The following PARVA variants were observed in gnomAD, a reference collection of about 807,000 sequenced individuals.
PARVA encodes the protein alpha-parvin.
A neutral mutation model predicts 52.6 loss-of-function variants in PARVA; 25 were observed. The observed-to-expected ratio is 0.48, with a 90% CI of 0.35 to 0.66. PARVA has a LOEUF of 0.66. Among genes scored for constraint, PARVA ranks in the 30% least tolerant of loss-of-function variants. The pLI is 0.01. For synonymous variants in PARVA, 185 were observed against 179.1 expected, an observed-to-expected ratio of 1.03 and a Z score of -0.26; for missense variants, 373 against 450.9, an observed-to-expected ratio of 0.83 and a Z score of 1.56.
chr11:12,478,030 T>C lies in PARVA; in HGVS notation c.400+81T>C, dbSNP rs766800140. On this transcript the variant is annotated intron_variant, in intron 4 of 12. Coordinates refer to ENST00000334956, the MANE Select transcript of PARVA (RefSeq NM_018222.5). The stretch of plus-strand genomic sequence containing the variant: ...CCTACTTGTAGCTAGAAGGAGTTAT[T>C]CTCAGTTTACAGTGGCTTACCTGGA... 9 of 827,460 alleles carry C rather than the reference T, an allele frequency of 1.1e-5. No individual in the cohort carries two copies. In the East Asian group the frequency reaches 2.2e-4, roughly 20 times the overall value. 51.3% of individuals were successfully genotyped at this position (827,460 alleles called of 1,614,324 possible). A position where few individuals can be genotyped will look rare whatever the true frequency, so the allele number is the denominator to read the frequency against.
Position 12,530,092 on chromosome 11 carries a change from G to A in PARVA, c.*2167G>A, listed in dbSNP as rs1456682885. On this transcript the variant is annotated 3_prime_UTR_variant, in exon 13 of 13. Coordinates refer to ENST00000334956, the MANE Select transcript of PARVA (RefSeq NM_018222.5). ...TTATATTCAAGTTACAAATGTACAA[G>A]TATCCTTACTAAGAGTGCTCCTTTT... 1 of 152,152 alleles carries A rather than the reference G, an allele frequency of 6.6e-6. No homozygotes were observed. Among genetic ancestry groups the A allele is most frequent in the African/African-American group, 2.4e-5 (1 of 41,442 alleles). The allele number at this position is 152,152 out of a possible 1,614,324, so 9.4% of individuals were successfully genotyped here.
chr11:12,520,704 C>T (rs1207824213), intron 12 of PARVA, among the ~76,000 whole-genome samples: 3 of 152,192 alleles, frequency 2.0e-5, no homozygotes, highest in African/African-American at 4.8e-5. Flanking sequence ...AATCCCAACA[C>T]TTTGGGAGGC....
At chr11:12,494,381 T>G (rs544882891) in intron 4 of PARVA, among the ~76,000 whole-genome samples, 8 of 152,320 alleles carry the variant, frequency 5.3e-5, no homozygotes, top group Non-Finnish European at 8.8e-5. Flanking sequence ...TTGGTTCTCC[T>G]GGCAATCAGC....
At position 12,533,261 on chromosome 11, in the gene PARVA, T is replaced by G. The variant is rs1055257953; in HGVS notation, c.*5336T>G. Among the ~76,000 whole-genome samples the G allele has an allele frequency of 1.3e-4, 20 of 152,224 alleles. No individual in the cohort carries two copies. Among genetic ancestry groups the G allele is most frequent in the Admixed American group, 1.3e-3 (20 of 15,286 alleles). On this transcript the variant is annotated 3_prime_UTR_variant, in exon 13 of 13. Coordinates refer to ENST00000334956, the MANE Select transcript of PARVA (RefSeq NM_018222.5). ...CCTACCAGGCCAGAACGCTGATCCA[T>G]GGAGACCAGTGCTTCCAGCCCTCTC...
intron 4 of PARVA, 94 bp from the exon 5 acceptor site, chr11:12,496,364 G>GTGCATGCA (rs1261307776): frequency 4.5e-5 from 57 of 1,279,266 alleles, no homozygotes; most frequent in Non-Finnish European, 5.6e-5. Flanking sequence ...GCATGCATGA[G>GTGCATGCA]TGCATGAGAG....
chr11:12,523,811 C>T (rs1027679354), intron 12 of PARVA, among the ~76,000 whole-genome samples: 5 of 152,230 alleles, frequency 3.3e-5, no homozygotes, highest in Non-Finnish European at 5.9e-5. Flanking sequence ...CAGAACTGAA[C>T]TGAGTTGCTA....
intron 1 of PARVA, among the ~76,000 whole-genome samples, chr11:12,385,059 G>A (rs7114354): frequency 0.055 from 8,381 of 152,166 alleles, 717 homozygotes; most frequent in African/African-American, 0.19. Flanking sequence ...GAATGAGGCT[G>A]GGCATGGTGG....
intron 1 of PARVA, among the ~76,000 whole-genome samples, chr11:12,473,387 G>A (rs745685349): frequency 6.6e-6 from 1 of 152,152 alleles, no homozygotes; most frequent in Non-Finnish European, 1.5e-5. Context: ...GCACCAGACA[G>A]GAAGTCCTGG....
At chr11:12,519,235 C>A (rs895557441) in intron 12 of PARVA, among the ~76,000 whole-genome samples, 2 of 152,198 alleles carry the variant, frequency 1.3e-5, no homozygotes, top group Non-Finnish European at 2.9e-5. Flanking sequence ...ATCTGTGGCC[C>A]TTTTGCTCGC....
At chr11:12,501,616 G>A (rs1307732381) in intron 5 of PARVA, among the ~76,000 whole-genome samples, 5 of 152,176 alleles carry the variant, frequency 3.3e-5, no homozygotes, top group African/African-American at 1.2e-4. Flanking sequence ...ATATTTAAAA[G>A]TTTGAAAAAT....
chr11:12,421,136 G>A (rs538306531), intron 1 of PARVA, among the ~76,000 whole-genome samples: 1 of 151,540 alleles, frequency 6.6e-6, no homozygotes, highest in Non-Finnish European at 1.5e-5. Flanking sequence ...GCATGAGATG[G>A]ACAAGGTGGT....
intron 1 of PARVA, among the ~76,000 whole-genome samples, chr11:12,404,810 C>T (rs1226637672): frequency 6.6e-6 from 1 of 152,230 alleles, no homozygotes; most frequent in Non-Finnish European, 1.5e-5. Flanking sequence ...GCCATCGTTA[C>T]ATCCTCATCT....
At chr11:12,522,577 C>T (rs963272019) in intron 12 of PARVA, among the ~76,000 whole-genome samples, 1 of 151,962 alleles carries the variant, frequency 6.6e-6, no homozygotes, top group Non-Finnish European at 1.5e-5. Flanking sequence ...CACCACCACA[C>T]CCAGCTAATT....
intron 1 of PARVA, among the ~76,000 whole-genome samples, chr11:12,386,782 T>C (rs1236066132): frequency 2.0e-5 from 3 of 152,244 alleles, no homozygotes; most frequent in Non-Finnish European, 2.9e-5. Context: ...TGGTATTCTA[T>C]GATTTCTGAG....
At chr11:12,467,959 A>C (rs1158210311) in intron 1 of PARVA, among the ~76,000 whole-genome samples, 1 of 152,214 alleles carries the variant, frequency 6.6e-6, no homozygotes, top group Non-Finnish European at 1.5e-5. Flanking sequence ...GTGCTCAGAC[A>C]TAATCACTAC....
intron 10 of PARVA, among the ~76,000 whole-genome samples, chr11:12,516,599 A>G (rs1162535344): frequency 6.6e-6 from 1 of 152,190 alleles, no homozygotes; most frequent in Non-Finnish European, 1.5e-5. Flanking sequence ...ACCGGGCTGC[A>G]AGCCTCCTGC....
chr11:12,428,113 G>C (rs1378933606), intron 1 of PARVA, among the ~76,000 whole-genome samples: 1 of 152,194 alleles, frequency 6.6e-6, no homozygotes, highest in African/African-American at 2.4e-5. Flanking sequence ...ATTTTAAATG[G>C]TGCCATGTGC....
At chr11:12,384,990 G>C (rs1939551089) in intron 1 of PARVA, among the ~76,000 whole-genome samples, 1 of 152,124 alleles carries the variant, frequency 6.6e-6, no homozygotes, top group South Asian at 2.1e-4. Context: ...TCACTCAGAT[G>C]GTGTTAAGTG....
chr11:12,395,269 T>C (rs1347430662), intron 1 of PARVA, among the ~76,000 whole-genome samples: 5 of 152,236 alleles, frequency 3.3e-5, no homozygotes, highest in East Asian at 3.9e-4. Flanking sequence ...AAAAAAGACT[T>C]TAATGAATCA....
Sources: allele counts gnomAD v4.1 joint callset (sites outside exome capture counted in the v4.1 genomes callset), GRCh38; gene constraint gnomAD v4.1.1; transcripts MANE v1.5; gene names NCBI Gene and HGNC (gene_info 2026-07-23, HGNC 2026-07-21).